The following FAM186B variants were observed in gnomAD, a reference collection of about 807,000 sequenced individuals.
FAM186B encodes the protein family with sequence similarity 186 member B.
In FAM186B, 68 loss-of-function variants were observed where a neutral mutation model predicts 83.4. The observed-to-expected ratio is 0.81, with a 90% confidence interval of 0.67 to 1.00. FAM186B has a LOEUF of 1.00. FAM186B is among the 50% of genes least tolerant of loss of function. FAM186B has a pLI of 0.00. For synonymous variants in FAM186B, 389 were observed against 422.0 expected (o/e 0.92, Z 0.96); for missense variants, 983 against 1,099.2 (o/e 0.89, Z 1.49).
At chr12:49,622,106 C>T in the FAM186B span, among the ~76,000 whole-genome samples, 2 of 152,254 alleles carry the variant, frequency 1.3e-5, no homozygotes, top group Non-Finnish European at 2.9e-5. Flanking sequence ...ACTTAGAGAT[C>T]TCAATAATAG....
chr12:49,598,477 ACTCTT>A (rs1419489998), intron 5 of FAM186B, among the ~76,000 whole-genome samples: 3 of 151,962 alleles, frequency 2.0e-5, no homozygotes, highest in African/African-American at 7.3e-5. Flanking sequence ...CTCCAGAAGA[ACTCTT>A]CTCTTCCACA....
upstream of FAM186B, among the ~76,000 whole-genome samples, chr12:49,608,270 C>T (rs1250665691): frequency 1.3e-5 from 2 of 149,692 alleles, no homozygotes; most frequent in Non-Finnish European, 3.0e-5. Context: ...GCGGGTGGAT[C>T]ACTTGAGGTC....
chr12:49,606,065 T>C (rs1353393642), upstream of FAM186B, among the ~76,000 whole-genome samples: 7 of 152,122 alleles, frequency 4.6e-5, no homozygotes, highest in East Asian at 1.3e-3. Flanking sequence ...CCCGGCCTAC[T>C]TGTTGCTTTT....
chr12:49,605,710 G>A, upstream of FAM186B: 1 of 415,630 alleles, frequency 2.4e-6, no homozygotes, highest in Non-Finnish European at 4.3e-6. Context: ...CCACTATCTA[G>A]CTTTTTGTCC....
At chr12:49,610,556 C>T (rs1456935374), upstream of FAM186B, among the ~76,000 whole-genome samples, 1 of 151,860 alleles carries the variant, frequency 6.6e-6, no homozygotes, top group Non-Finnish European at 1.5e-5. Context: ...TTTGGGAGGC[C>T]GAGGCGGGCG....
At chr12:49,591,391 G>A (rs1939577957) in intron 5 of FAM186B, among the ~76,000 whole-genome samples, 1 of 152,178 alleles carries the variant, frequency 6.6e-6, no homozygotes, top group African/African-American at 2.4e-5. Flanking sequence ...CCTGGGAAGA[G>A]TTTGTGTTTA....
Position 49,600,967 on chromosome 12 carries a change from A to G in FAM186B, c.673T>C (p.Phe225Leu). ...ATGGCCCTGACCTCCCCCTTGCTGA[A>G]CATGGTAGAGTCCAGGAGCTCCTGC... is the stretch of plus-strand genomic sequence containing the variant. The part of the protein sequence containing the change: ...MLQELLDSTM[F>L]SKGEVRAIRY... Residue 225 changes from phenylalanine to leucine, a missense_variant, in exon 4 of 7, where the codon TTC becomes CTC. Transcript: ENST00000257894. This position sits in a 1 kb window ranked among gnomAD's most constrained non-coding sequence, Gnocchi z 4.3. 1.9e-6 allele frequency: 3 copies of G among 1,614,064 alleles called. No individual in the cohort carries two copies. Among genetic ancestry groups the G allele is most frequent in the Non-Finnish European group, 2.5e-6 (3 of 1,179,966 alleles).
upstream of FAM186B, among the ~76,000 whole-genome samples, chr12:49,608,327 C>G (rs1216758840): frequency 6.6e-6 from 1 of 150,868 alleles, no homozygotes; most frequent in Admixed American, 6.6e-5. Context: ...CTTGTCTCTA[C>G]TAAAAACATA....
the FAM186B span, among the ~76,000 whole-genome samples, chr12:49,616,853 C>T: frequency 1.8e-4 from 27 of 152,160 alleles, no homozygotes; most frequent in African/African-American, 6.5e-4. Flanking sequence ...ATGTAAATTA[C>T]ACCTCAATAA....
Position 49,605,407 on chromosome 12 carries a change from G to A in FAM186B, c.71C>T (p.Ala24Val). 6.2e-7 allele frequency: 1 copy of A among 1,613,666 alleles called. No individual in the cohort carries two copies. The highest frequency in any genetic ancestry group is 8.5e-7 in the Non-Finnish European group (1 of 1,179,896). Residue 24 changes from alanine (A) to valine (V), a missense_variant, in exon 1 of 7, where the codon GCT becomes GTT. Ala to Val is a moderately conservative substitution (Grantham distance 64). Transcript: ENST00000257894. ...SVKAIILRIE[A>V]AQLTRAQEDI... Reference sequence around the variant, plus strand: ...CTCTTGAGCCCGAGTTAGCTGGGCAGCCTCAATCCTCAGGATGATGGCTTT... The same window carrying A: ...CTCTTGAGCCCGAGTTAGCTGGGCAACCTCAATCCTCAGGATGATGGCTTT...
chr12:49,585,134 TC>T (rs1344808930), downstream of FAM186B, among the ~76,000 whole-genome samples: 1 of 152,194 alleles, frequency 6.6e-6, no homozygotes, highest in African/African-American at 2.4e-5. Flanking sequence ...CTCTCCTGCC[TC>T]AGCCTCCTGA....
chr12:49,614,479 A>G, the FAM186B span, among the ~76,000 whole-genome samples: 5 of 152,360 alleles, frequency 3.3e-5, no homozygotes, highest in South Asian at 1.0e-3. Flanking sequence ...ATGCAAGAAT[A>G]GAAAACCAAA....
chr12:49,618,832 G>C, the FAM186B span, among the ~76,000 whole-genome samples: 2 of 152,192 alleles, frequency 1.3e-5, no homozygotes, highest in South Asian at 4.1e-4. Flanking sequence ...GGAAAGAATA[G>C]AGAAAATAGG....
the FAM186B span, among the ~76,000 whole-genome samples, chr12:49,610,676 G>A: frequency 4.6e-5 from 7 of 152,008 alleles, no homozygotes; most frequent in South Asian, 1.2e-3. Flanking sequence ...TGTAGTCCCA[G>A]CTACTCAGGA....
chr12:49,592,907 G>GA (rs1306767993), intron 5 of FAM186B, among the ~76,000 whole-genome samples: 10 of 152,012 alleles, frequency 6.6e-5, no homozygotes, highest in African/African-American at 2.4e-4. Flanking sequence ...GGAAAAGAGG[G>GA]AAAAAAACAA....
chr12:49,611,813 C>T, the FAM186B span, among the ~76,000 whole-genome samples: 43 of 143,624 alleles, frequency 3.0e-4, no homozygotes, highest in African/African-American at 1.1e-3. Flanking sequence ...GAGCTGAGAT[C>T]ATGCCACTGC....
chr12:49,603,414 G>A, intron 2 of FAM186B, 47 bp from the exon 3 acceptor site: 1 of 1,596,616 alleles, frequency 6.3e-7, no homozygotes. Flanking sequence ...CTGTCCTCCA[G>A]GGGGACACAG....
At chr12:49,619,665 CTCTTT>C in the FAM186B span, 16 of 222,132 alleles carry the variant, frequency 7.2e-5, no homozygotes, top group Middle Eastern at 1.6e-3. Flanking sequence ...AGTTAGACAT[CTCTTT>C]TTTTTTTTTT....
chr12:49,613,310 G>A, the FAM186B span, among the ~76,000 whole-genome samples: 13 of 147,944 alleles, frequency 8.8e-5, no homozygotes, highest in Non-Finnish European at 1.9e-4. Flanking sequence ...GGCAGATCAC[G>A]AGGTCAGGAG....
Sources: allele counts gnomAD v4.1 joint callset (sites outside exome capture counted in the v4.1 genomes callset), GRCh38; gene constraint gnomAD v4.1.1; non-coding constraint Gnocchi (gnomAD v3.1); transcripts MANE v1.5; gene names NCBI Gene and HGNC (gene_info 2026-07-23, HGNC 2026-07-21).